HS6ST3: variants seen among roughly 807,000 people sequenced by gnomAD.
HS6ST3 encodes heparan-sulfate 6-O-sulfotransferase 3.
Under a neutral mutation model 36.7 loss-of-function variants are expected in HS6ST3, and 12 were observed. The observed-to-expected ratio is 0.33, with a 90% confidence interval of 0.21 to 0.53. The LOEUF is 0.53. Among genes scored for constraint, HS6ST3 ranks in the 20% least tolerant of loss-of-function variants. HS6ST3 has a pLI of 0.95. For missense variants in HS6ST3, 584 were observed against 640.9 expected, an observed-to-expected ratio of 0.91 and a Z score of 0.96; for synonymous variants, 240 against 257.5, an observed-to-expected ratio of 0.93 and a Z score of 0.65.
intron 1 of HS6ST3, among the ~76,000 whole-genome samples, chr13:96,300,850 C>A (rs2054878519): frequency 6.6e-6 from 1 of 152,086 alleles, no homozygotes; most frequent in African/African-American, 2.4e-5. Flanking sequence ...TTAATGACCT[C>A]AAGAGAAATA....
chr13:96,108,308 G>A lies in HS6ST3; in HGVS notation c.707+16739G>A, dbSNP rs539413157. On this transcript the variant is annotated intron_variant, in intron 1 of 1. Transcript: ENST00000376705. ...TAGGATTAGGAAATTCCAGCCTGGCGAATTCTAGTCAGACCGGTTTTCTGC... is the reference window on the plus strand; with the variant it reads ...TAGGATTAGGAAATTCCAGCCTGGCAAATTCTAGTCAGACCGGTTTTCTGC... Among the ~76,000 whole-genome samples, 24 of 152,274 alleles carry A rather than the reference G, an allele frequency of 1.6e-4. No individual in the cohort carries two copies. The South Asian group carries it at 2.5e-3, about 16-fold the overall frequency.
intron 1 of HS6ST3, among the ~76,000 whole-genome samples, chr13:96,226,368 A>C (rs1158687425): frequency 2.0e-5 from 3 of 152,138 alleles, no homozygotes; most frequent in African/African-American, 7.2e-5. Context: ...TAAAAATACA[A>C]AATTAGCCAT....
intron 1 of HS6ST3, among the ~76,000 whole-genome samples, chr13:96,367,493 A>G (rs752787980): frequency 1.1e-4 from 16 of 152,202 alleles, no homozygotes; most frequent in African/African-American, 3.6e-4. Flanking sequence ...GCTGTTGACT[A>G]TGACACTGGT....
intron 1 of HS6ST3, among the ~76,000 whole-genome samples, chr13:96,390,423 C>T (rs1336675830): frequency 1.3e-5 from 2 of 152,148 alleles, no homozygotes; most frequent in Non-Finnish European, 2.9e-5. Context: ...CCTTCTGCCA[C>T]GTGAGGATAC....
intron 1 of HS6ST3, among the ~76,000 whole-genome samples, chr13:96,199,311 T>C (rs1482590734): frequency 6.6e-6 from 1 of 152,242 alleles, no homozygotes; most frequent in Non-Finnish European, 1.5e-5. Context: ...CATGCAATTG[T>C]ATTCTCCGTG....
At chr13:96,595,315 A>G (rs760499006) in intron 1 of HS6ST3, among the ~76,000 whole-genome samples, 4 of 152,186 alleles carry the variant, frequency 2.6e-5, no homozygotes, top group Non-Finnish European at 5.9e-5. Flanking sequence ...GCTAAGTGCT[A>G]GGATCCTTCA....
intron 1 of HS6ST3, among the ~76,000 whole-genome samples, chr13:96,512,070 A>T (rs753459588): frequency 6.6e-6 from 1 of 152,204 alleles, no homozygotes; most frequent in Non-Finnish European, 1.5e-5. Context: ...AGAAAGACAT[A>T]TAATTATATA....
rs376650142 is a variant in HS6ST3 at position 96,508,908 on chromosome 13, G to A, written c.708-323582G>A. On this transcript the variant is annotated intron_variant, in intron 1 of 1. Coordinates refer to ENST00000376705, the MANE Select transcript of HS6ST3 (RefSeq NM_153456.4). Reference sequence around the variant, plus strand: ...AAGATACCTAGTAGTGGGATGGCTGGATCAAATGGTAGATCTCCATATAGT... The same window carrying A: ...AAGATACCTAGTAGTGGGATGGCTGAATCAAATGGTAGATCTCCATATAGT... 2.6e-5 allele frequency among the ~76,000 whole-genome samples: 4 copies of A among 152,082 alleles called. No individual in the cohort carries two copies. The East Asian group carries it at 7.7e-4, about 29-fold the overall frequency.
rs2055049461 is a variant in HS6ST3, at chr13:96,329,044, T to A, written c.707+237475T>A. On this transcript the variant is annotated intron_variant, in intron 1 of 1. Coordinates refer to ENST00000376705, the MANE Select transcript of HS6ST3 (RefSeq NM_153456.4). ...GTGGTGATATCCCCTTTATCATTTTTTATTGCATCTATTTGATTCTTCTCT... is the reference window on the plus strand; with the variant it reads ...GTGGTGATATCCCCTTTATCATTTTATATTGCATCTATTTGATTCTTCTCT... 5.9e-5 allele frequency among the ~76,000 whole-genome samples: 9 copies of A among 151,364 alleles called. No individual in the cohort carries two copies. The South Asian group carries it at 1.9e-3, about 32-fold the overall frequency.
intron 1 of HS6ST3, among the ~76,000 whole-genome samples, chr13:96,144,696 T>C (rs1158572951): frequency 2.6e-5 from 4 of 151,450 alleles, no homozygotes; most frequent in African/African-American, 4.9e-5. Flanking sequence ...AACCTGCAGG[T>C]TTGTTACATA....
chr13:96,124,045 G>T (rs763623839), intron 1 of HS6ST3, among the ~76,000 whole-genome samples: 1 of 152,182 alleles, frequency 6.6e-6, no homozygotes, highest in Non-Finnish European at 1.5e-5. Context: ...TTGACCAGTG[G>T]CATCAGGGTT....
chr13:96,353,280 A>G (rs1329491771), intron 1 of HS6ST3, among the ~76,000 whole-genome samples: 1 of 151,922 alleles, frequency 6.6e-6, no homozygotes, highest in African/African-American at 2.4e-5. Flanking sequence ...TTAAATCTAC[A>G]GTAATGAAGA....
chr13:96,547,564 A>G (rs538725573), intron 1 of HS6ST3, among the ~76,000 whole-genome samples: 1 of 152,328 alleles, frequency 6.6e-6, no homozygotes, highest in African/African-American at 2.4e-5. Context: ...TTCCTTGTTT[A>G]AAAAGTTAAA....
intron 1 of HS6ST3, among the ~76,000 whole-genome samples, chr13:96,181,040 C>T (rs2054237477): frequency 6.6e-6 from 1 of 152,128 alleles, no homozygotes. Flanking sequence ...TATTAATGTT[C>T]TGTTATCACA....
At chr13:96,436,883 C>A (rs905651365) in intron 1 of HS6ST3, among the ~76,000 whole-genome samples, 2 of 152,060 alleles carry the variant, frequency 1.3e-5, no homozygotes, top group Non-Finnish European at 2.9e-5. Context: ...ACTAATATAA[C>A]CCCTGTAGCA....
intron 1 of HS6ST3, among the ~76,000 whole-genome samples, chr13:96,280,108 G>A (rs1049774476): frequency 2.0e-5 from 3 of 152,136 alleles, no homozygotes; most frequent in South Asian, 4.1e-4. Context: ...GGTTCTTATT[G>A]TCTGTCAACA....
At chr13:96,328,936 C>T (rs1364835035) in intron 1 of HS6ST3, among the ~76,000 whole-genome samples, 3 of 151,850 alleles carry the variant, frequency 2.0e-5, no homozygotes, top group Admixed American at 1.3e-4. Context: ...AGGAATTTAT[C>T]CATTTCTTCT....
intron 1 of HS6ST3, among the ~76,000 whole-genome samples, chr13:96,101,068 T>C (rs2053815940): frequency 6.6e-6 from 1 of 152,212 alleles, no homozygotes; most frequent in African/African-American, 2.4e-5. Context: ...AAAATCATGC[T>C]AATTTGGGTG....
chr13:96,397,913 G>A (rs112482990), intron 1 of HS6ST3, among the ~76,000 whole-genome samples: 38 of 152,292 alleles, frequency 2.5e-4, no homozygotes, highest in African/African-American at 8.9e-4. Context: ...TGAGGCTTAA[G>A]ACTATAATGA....
Sources: gnomAD v4.1 joint callset for allele counts (sites outside exome capture counted in the v4.1 genomes callset) on GRCh38, gnomAD v4.1.1 for gene constraint, MANE v1.5 for transcripts, NCBI Gene and HGNC (gene_info 2026-07-23, HGNC 2026-07-21) for gene names.